Variants in MEX3A observed in about 807,000 individuals in gnomAD.
MEX3A encodes the protein mex-3 RNA binding family member A.
Under a neutral mutation model 30.0 loss-of-function variants are expected in MEX3A, and 4 were observed. The observed-to-expected ratio is 0.13, with a 90% confidence interval of 0.07 to 0.30. The LOEUF is 0.30. Ranked by LOEUF, MEX3A falls within the 10% of genes least tolerant of loss-of-function variation. The probability of loss-of-function intolerance (pLI) is 1.00; values close to 1 mark genes in which losing one functional copy is unlikely to be tolerated. For missense variants in MEX3A, 555 were observed against 736.7 expected, an observed-to-expected ratio of 0.75 and a Z score of 2.86; for synonymous variants, 335 against 327.6, an observed-to-expected ratio of 1.02 and a Z score of -0.24.
rs1647934310 is a variant in MEX3A at position 156,072,409 on chromosome 1, C to A, written c.*4165G>T. 1 of 152,466 alleles carries A rather than the reference C, an allele frequency of 6.6e-6. No homozygotes were observed. The highest frequency in any genetic ancestry group is 2.4e-5 in the African/African-American group (1 of 41,398). 9.4% of individuals were successfully genotyped at this position (152,466 alleles called of 1,614,324 possible). A position where few individuals can be genotyped will look rare whatever the true frequency, so the allele number is the denominator to read the frequency against. On this transcript the variant is annotated 3_prime_UTR_variant, in exon 2 of 2. Coordinates refer to ENST00000532414, the MANE Select transcript of MEX3A (RefSeq NM_001093725.2). ...CAAAAAGAGCAGGGGGAATCTGTCC[C>A]TAGGTGGGGCGAGAAGAGTAAATTG... is the stretch of plus-strand genomic sequence containing the variant.
chr1:156,076,878 G>C lies in MEX3A; in HGVS notation c.1259C>G (p.Ala420Gly), dbSNP rs755380923. Residue 420 changes from alanine to glycine, a missense_variant, in exon 2 of 2, where the codon GCT becomes GGT. Coordinates refer to ENST00000532414, the MANE Select transcript of MEX3A (RefSeq NM_001093725.2). The surrounding 1 kb of genome is among the most constrained non-coding windows in gnomAD (Gnocchi z 6.0). ...GGAGCGGTGTGCGCCCGGGGGCCCA[G>C]CGCGGGCCTTGGCGGAAGAGGAGGA... ...SSSSSSAKAR[A>G]GPPGAHRSPA... is the part of the protein sequence containing the mutation. 2 of 1,541,066 alleles carry C rather than the reference G, an allele frequency of 1.3e-6. No homozygotes were observed. The highest frequency in any genetic ancestry group is 2.0e-5 in the Admixed American group (1 of 50,454).
chr1:156,081,534 G>T lies in MEX3A; in HGVS notation c.454+11C>A. ...TACAGTCCCTCTCAGTGGTCCCGGC[G>T]CCCCGCTTACCTTGCCTGCCCACGA... On this transcript the variant is annotated intron_variant, in intron 1 of 1. Coordinates refer to ENST00000532414, the MANE Select transcript of MEX3A (RefSeq NM_001093725.2). The T allele has an allele frequency of 6.2e-7, 1 of 1,602,572 alleles. No individual in the cohort carries two copies. Among genetic ancestry groups the T allele is most frequent in the South Asian group, 1.1e-5 (1 of 89,726 alleles).
intron 1 of MEX3A, among the ~76,000 whole-genome samples, chr1:156,079,462 C>T (rs956750017): frequency 9.2e-5 from 14 of 152,012 alleles, no homozygotes; most frequent in African/African-American, 2.7e-4. Context: ...GTGATCCACC[C>T]GCCTCGGCCT....
chr1:156,077,345 G>A lies in MEX3A; in HGVS notation c.792C>T (p.Arg264=). 4 of 1,613,808 alleles carry A rather than the reference G, an allele frequency of 2.5e-6. No homozygotes were observed. Among genetic ancestry groups the A allele is most frequent in the Non-Finnish European group, 3.4e-6 (4 of 1,179,810 alleles). Residue 264 remains arginine (R), a synonymous_variant, in exon 2 of 2, where the codon CGC becomes CGT. Transcript: ENST00000532414. The surrounding 1 kb of genome is among the most constrained non-coding windows in gnomAD (Gnocchi z 8.3). ...NTYIITPSRD[R]DPVFEITGAP... is the part of the protein sequence containing the mutation. ...CACCCGTGATCTCGAACACGGGGTC[G>A]CGGTCACGGCTTGGTGTGATAATGT... is the stretch of plus-strand genomic sequence containing the variant.
Position 156,077,718 on chromosome 1 carries a change from C to T in MEX3A, c.455-36G>A, listed in dbSNP as rs368825842. 2 of 1,537,370 alleles carry T rather than the reference C, an allele frequency of 1.3e-6. No individual in the cohort carries two copies. Among genetic ancestry groups the T allele is most frequent in the Non-Finnish European group, 1.7e-6 (2 of 1,147,376 alleles). ...GCGGGGAAGGAGAGAGACAAAGAAA[C>T]GCACACAGCAAGGTTTGTGCTGGGA... On this transcript the variant is annotated intron_variant, in intron 1 of 1. Transcript: ENST00000532414. This position sits in a 1 kb window ranked among gnomAD's most constrained non-coding sequence, Gnocchi z 8.3.
At position 156,074,153 on chromosome 1, in the gene MEX3A, C is replaced by CTTTTTTTT. The variant is rs558262974; in HGVS notation, c.*2413_*2420dup. Reference sequence around the variant, plus strand: ...TAAACCCAAACATATATTAAAAACACTTTTTTTTTTTAAGATTTAACTCTG... The same window carrying CTTTTTTTT: ...TAAACCCAAACATATATTAAAAACACTTTTTTTTTTTTTTTTTTTAAGATTTAACTCTG... On this transcript the variant is annotated 3_prime_UTR_variant, in exon 2 of 2. Coordinates refer to ENST00000532414, the MANE Select transcript of MEX3A (RefSeq NM_001093725.2). 6.8e-6 allele frequency: 1 copy of CTTTTTTTT among 146,912 alleles called. No individual in the cohort carries two copies. The highest frequency in any genetic ancestry group is 1.5e-5 in the Non-Finnish European group (1 of 66,222). The allele number at this position is 146,912 out of a possible 1,614,324, so 9.1% of individuals were successfully genotyped here. A position where few individuals can be genotyped will look rare whatever the true frequency, so the allele number is the denominator to read the frequency against.
At chr1:156,081,419 G>A (rs1648230679) in intron 1 of MEX3A, 126 bp downstream of exon 1, 6 of 774,020 alleles carry the variant, frequency 7.8e-6, no homozygotes, top group Non-Finnish European at 1.3e-5. Context: ...GGTAGGGGGC[G>A]GGTCCCCCTT....
In MEX3A at chr1:156,081,822, G is replaced by T; in HGVS notation, c.177C>A (p.Gly59=). ...CGCCCCCCCCACCTCCCCCGTCCTC[G>T]CCCGCCGTGGGGGCGGGGGGCTCCC... ...GLGEPPAPTA[G]EDGGGGGGGA... The change falls in exon 1 of 2, where the codon GGC becomes GGA. Residue 59 remains glycine (G), a synonymous_variant. Coordinates refer to ENST00000532414, the MANE Select transcript of MEX3A (RefSeq NM_001093725.2). 2.3e-6 allele frequency: 3 copies of T among 1,281,880 alleles called. No individual in the cohort carries two copies. The highest frequency in any genetic ancestry group is 3.0e-6 in the Non-Finnish European group (3 of 990,142). 79.4% of individuals were successfully genotyped at this position (1,281,880 alleles called of 1,614,324 possible). A position where few individuals can be genotyped will look rare whatever the true frequency, so the allele number is the denominator to read the frequency against.
intron 1 of MEX3A, among the ~76,000 whole-genome samples, chr1:156,080,770 C>A (rs533833268): frequency 1.3e-5 from 2 of 151,368 alleles, no homozygotes; most frequent in East Asian, 3.9e-4. Flanking sequence ...GTTTCTTACC[C>A]CCCAGCATTC....
Position 156,081,657 on chromosome 1 carries a change from C to A in MEX3A, c.342G>T (p.Lys114Asn). 6.6e-7 allele frequency: 1 copy of A among 1,521,188 alleles called. No homozygotes were observed. Among genetic ancestry groups the A allele is most frequent in the Non-Finnish European group, 8.8e-7 (1 of 1,136,102 alleles). 94.2% of individuals were successfully genotyped at this position (1,521,188 alleles called of 1,614,324 possible). Reference protein sequence around the residue: ...PTAPKGASDAKLCALYKEAEL... With the variant: ...PTAPKGASDANLCALYKEAEL... ...CGGCCTCTTTGTAGAGAGCGCAGAG[C>A]TTGGCGTCGCTCGCCCCTTTGGGGG... is the stretch of plus-strand genomic sequence containing the variant. The change falls in exon 1 of 2, where the codon AAG (lysine) becomes AAT (asparagine). Residue 114 changes from lysine to asparagine, a missense_variant. Lys to Asn is a moderately conservative substitution (Grantham distance 94). This residue lies in a region of MEX3A where 159 missense variants were observed against 159.9 expected (regional missense o/e 0.99). Coordinates refer to ENST00000532414, the MANE Select transcript of MEX3A (RefSeq NM_001093725.2).
In MEX3A at chr1:156,082,007, A is replaced by G; in HGVS notation, c.-9T>C. The G allele has an allele frequency of 6.8e-7, 1 of 1,474,394 alleles. No homozygotes were observed. The highest frequency in any genetic ancestry group is 9.1e-7 in the Non-Finnish European group (1 of 1,104,172). 91.3% of individuals were successfully genotyped at this position (1,474,394 alleles called of 1,614,324 possible). On this transcript the variant is annotated 5_prime_UTR_variant, in exon 1 of 2. Coordinates refer to ENST00000532414, the MANE Select transcript of MEX3A (RefSeq NM_001093725.2). Reference sequence around the variant, plus strand: ...ACCACTAGACTAGGCATGGCGAAACAAAAGCTGGGGGAGAGAGAGAGGGAG... The same window carrying G: ...ACCACTAGACTAGGCATGGCGAAACGAAAGCTGGGGGAGAGAGAGAGGGAG...
chr1:156,081,458 G>C, intron 1 of MEX3A, 87 bp downstream of exon 1: 5 of 1,184,182 alleles, frequency 4.2e-6, no homozygotes, highest in Non-Finnish European at 6.1e-6. Flanking sequence ...CCGGAGGCGG[G>C]CAAGAAGGGA....
chr1:156,082,170 CT>C lies in MEX3A; in HGVS notation c.-173del, dbSNP rs948396311. On this transcript the variant is annotated 5_prime_UTR_variant, in exon 1 of 2. Transcript: ENST00000532414. ...CGAGATAGAAAGATAGACCCTCCCC[CT>C]AAGCCCCCCTCCCCAAACACCCTGT... 6.6e-6 allele frequency among the ~76,000 whole-genome samples: 1 copy of C among 150,978 alleles called. No homozygotes were observed. Among genetic ancestry groups the C allele is most frequent in the African/African-American group, 2.4e-5 (1 of 41,182 alleles).
intron 1 of MEX3A, among the ~76,000 whole-genome samples, chr1:156,080,194 A>G (rs1031965718): frequency 1.3e-5 from 2 of 152,098 alleles, no homozygotes; most frequent in East Asian, 3.9e-4. Context: ...TCCCCACCCA[A>G]TTCCAGGGCT....
At chr1:156,080,248 T>G (rs2102778152) in intron 1 of MEX3A, among the ~76,000 whole-genome samples, 1 of 152,198 alleles carries the variant, frequency 6.6e-6, no homozygotes, top group Admixed American at 6.5e-5. Context: ...ACTTTCTAAA[T>G]CAGAAATCTC....
intron 1 of MEX3A, among the ~76,000 whole-genome samples, chr1:156,081,112 C>T (rs565555281): frequency 2.0e-5 from 3 of 152,200 alleles, no homozygotes; most frequent in African/African-American, 7.2e-5. Context: ...CAGGTCTCCC[C>T]CAAAGTCTGT....
chr1:156,081,523 G>C (rs1290916678), intron 1 of MEX3A, 22 bp downstream of exon 1: 2 of 1,599,346 alleles, frequency 1.3e-6, no homozygotes, highest in Non-Finnish European at 8.5e-7. Context: ...GTCCCTCTCA[G>C]TGGTCCCGGC....
rs1290916678 is a variant in MEX3A at position 156,081,523 on chromosome 1, G to A, written c.454+22C>T. On this transcript the variant is annotated intron_variant, in intron 1 of 1. Transcript: ENST00000532414. ...GGTGCCCCCACTACAGTCCCTCTCA[G>A]TGGTCCCGGCGCCCCGCTTACCTTG... 1.9e-6 allele frequency: 3 copies of A among 1,599,342 alleles called. No homozygotes were observed. In the Admixed American group the frequency reaches 5.1e-5, roughly 27 times the overall value.
chr1:156,079,797 T>A (rs778754065), intron 1 of MEX3A, among the ~76,000 whole-genome samples: 14 of 152,016 alleles, frequency 9.2e-5, no homozygotes, highest in Non-Finnish European at 1.6e-4. Context: ...TCTTTAGCGG[T>A]TGGGGTTGGG....
Sources: allele counts gnomAD v4.1 joint callset (sites outside exome capture counted in the v4.1 genomes callset), GRCh38; gene constraint gnomAD v4.1.1; regional missense constraint gnomAD v4.1.1; non-coding constraint Gnocchi (gnomAD v3.1); transcripts MANE v1.5; gene names NCBI Gene and HGNC (gene_info 2026-07-23, HGNC 2026-07-21).